The following NFATC2 variants were observed in gnomAD, a reference collection of about 807,000 sequenced individuals.
The protein encoded by NFATC2 is nuclear factor of activated T cells 2.
Under a neutral mutation model 87.3 loss-of-function variants are expected in NFATC2, and 22 were observed. The ratio of observed to expected loss-of-function variants is 0.25; its 90% confidence interval spans 0.18 to 0.36. The LOEUF (loss-of-function observed/expected upper bound fraction) is 0.36, where lower values mean the gene tolerates loss of function less well. Ranked by LOEUF, NFATC2 falls within the 10% of genes least tolerant of loss-of-function variation. The pLI is 1.00. For synonymous variants in NFATC2, 565 were observed against 542.2 expected, an observed-to-expected ratio of 1.04 and a Z score of -0.58; for missense variants, 1,149 against 1,259.1, an observed-to-expected ratio of 0.91 and a Z score of 1.32.
chr20:51,510,444 C>T (rs2076254502), intron 3 of NFATC2, among the ~76,000 whole-genome samples: 1 of 152,152 alleles, frequency 6.6e-6, no homozygotes, highest in Non-Finnish European at 1.5e-5. Context: ...TGAAACAGGG[C>T]GAGGAATGAT....
intron 3 of NFATC2, among the ~76,000 whole-genome samples, chr20:51,496,266 A>G (rs1047616429): frequency 1.3e-5 from 2 of 152,120 alleles, no homozygotes; most frequent in African/African-American, 4.8e-5. Flanking sequence ...GAAATTTCCT[A>G]ATTTGTAAAT....
intron 5 of NFATC2, among the ~76,000 whole-genome samples, chr20:51,464,108 G>A (rs1199755178): frequency 6.6e-6 from 1 of 152,102 alleles, no homozygotes; most frequent in Non-Finnish European, 1.5e-5. Flanking sequence ...CTCTCACACC[G>A]GCCTACTGCT....
At chr20:51,511,837 A>T (rs2076276426) in intron 3 of NFATC2, among the ~76,000 whole-genome samples, 1 of 152,200 alleles carries the variant, frequency 6.6e-6, no homozygotes, top group Non-Finnish European at 1.5e-5. Context: ...GTTAAATCAG[A>T]ATCAAGTTCC....
intron 5 of NFATC2, among the ~76,000 whole-genome samples, chr20:51,466,763 T>G (rs143318480): frequency 6.6e-6 from 1 of 152,122 alleles, no homozygotes; most frequent in Non-Finnish European, 1.5e-5. Flanking sequence ...AAATAAAATA[T>G]GAATGTTCAT....
intron 1 of NFATC2, among the ~76,000 whole-genome samples, chr20:51,560,781 T>C (rs2077014256): frequency 6.6e-6 from 1 of 152,202 alleles, no homozygotes; most frequent in Admixed American, 6.5e-5. Context: ...CGCATGAGCA[T>C]GGGCTGGGGA....
intron 3 of NFATC2, among the ~76,000 whole-genome samples, chr20:51,501,058 A>G (rs1305732530): frequency 6.6e-6 from 1 of 151,282 alleles, no homozygotes; most frequent in African/African-American, 2.4e-5. Flanking sequence ...CAAGTTCCCA[A>G]CCTAAAGACA....
At chr20:51,449,245 A>G (rs556939826) in intron 6 of NFATC2, among the ~76,000 whole-genome samples, 1 of 152,276 alleles carries the variant, frequency 6.6e-6, no homozygotes, top group Admixed American at 6.5e-5. Flanking sequence ...AGTTTTGGAA[A>G]AAAGAAGTTG....
chr20:51,495,404 T>C (rs1182500346), intron 3 of NFATC2, among the ~76,000 whole-genome samples: 4 of 152,206 alleles, frequency 2.6e-5, no homozygotes, highest in Non-Finnish European at 1.5e-5. Flanking sequence ...CCTCCTTTCT[T>C]AAAAAGACTT....
Position 51,487,912 on chromosome 20 carries a change from G to A in NFATC2, c.1333-12252C>T, listed in dbSNP as rs576008782. 5.3e-5 allele frequency among the ~76,000 whole-genome samples: 8 copies of A among 152,244 alleles called. No homozygotes were observed. In the East Asian group the frequency reaches 9.6e-4, roughly 18 times the overall value. ...TCATTTCAAAGGGTGGGTTTTTGGA[G>A]GGCTCTCTGCATAACTCTTAGACTC... On this transcript the variant is annotated intron_variant, in intron 3 of 10. Coordinates refer to ENST00000371564, the MANE Select transcript of NFATC2 (RefSeq NM_012340.5).
chr20:51,478,678 C>A (rs1036113729), intron 3 of NFATC2, among the ~76,000 whole-genome samples: 11 of 152,174 alleles, frequency 7.2e-5, no homozygotes, highest in African/African-American at 2.4e-4. Context: ...GATCCAGATA[C>A]TCCCCTGCCT....
chr20:51,483,612 C>G (rs1264226715), intron 3 of NFATC2, among the ~76,000 whole-genome samples: 2 of 149,294 alleles, frequency 1.3e-5, no homozygotes, highest in Non-Finnish European at 3.0e-5. Flanking sequence ...CCTCTCCCCC[C>G]CACCACACAC....
At chr20:51,494,518 G>A (rs1181341016) in intron 3 of NFATC2, among the ~76,000 whole-genome samples, 3 of 152,004 alleles carry the variant, frequency 2.0e-5, no homozygotes, top group East Asian at 1.9e-4. Flanking sequence ...CTACTACTAC[G>A]TGCAGGTCTT....
At chr20:51,438,544 T>TAA (rs906160836) in intron 6 of NFATC2, among the ~76,000 whole-genome samples, 3 of 151,544 alleles carry the variant, frequency 2.0e-5, no homozygotes, top group Non-Finnish European at 4.4e-5. Flanking sequence ...GTAGGATCCA[T>TAA]AAAGCTTCCA....
intron 1 of NFATC2, among the ~76,000 whole-genome samples, chr20:51,549,398 G>A (rs1190118227): frequency 6.6e-6 from 1 of 152,116 alleles, no homozygotes. Flanking sequence ...TCAGCCTCCC[G>A]AATAGCTGGG....
At chr20:51,429,629 G>T (rs1348281481) in intron 9 of NFATC2, among the ~76,000 whole-genome samples, 1 of 152,242 alleles carries the variant, frequency 6.6e-6, no homozygotes, top group Non-Finnish European at 1.5e-5. Flanking sequence ...CACCTGGAGC[G>T]TGCGATGCGC....
intron 3 of NFATC2, among the ~76,000 whole-genome samples, chr20:51,482,208 A>G (rs1459607483): frequency 6.6e-6 from 1 of 152,018 alleles, no homozygotes; most frequent in Non-Finnish European, 1.5e-5. Flanking sequence ...ACACACAAAC[A>G]TGGCCTCCAC....
chr20:51,561,286 C>G (rs1453125178), intron 1 of NFATC2, among the ~76,000 whole-genome samples: 1 of 142,160 alleles, frequency 7.0e-6, no homozygotes, highest in Non-Finnish European at 1.5e-5. Flanking sequence ...GCAAAGCACA[C>G]CGTTTACCTA....
chr20:51,500,271 C>A (rs1317593729), intron 3 of NFATC2, among the ~76,000 whole-genome samples: 1 of 152,040 alleles, frequency 6.6e-6, no homozygotes, highest in Non-Finnish European at 1.5e-5. Flanking sequence ...TCTAAGTCTC[C>A]TTCTAGCTCA....
intron 1 of NFATC2, among the ~76,000 whole-genome samples, chr20:51,528,538 G>A (rs780021315): frequency 1.3e-5 from 2 of 152,130 alleles, no homozygotes; most frequent in South Asian, 2.1e-4. Flanking sequence ...AGATGTACAC[G>A]CACAGCTGAA....
Sources: allele counts gnomAD v4.1 joint callset (sites outside exome capture counted in the v4.1 genomes callset), GRCh38; gene constraint gnomAD v4.1.1; transcripts MANE v1.5; gene names NCBI Gene and HGNC (gene_info 2026-07-23, HGNC 2026-07-21).